CSMD1: variants seen among roughly 807,000 people sequenced by gnomAD.
CSMD1 encodes the protein CUB and sushi domain-containing protein 1.
A neutral mutation model predicts 417.5 loss-of-function variants in CSMD1; 213 were observed. The observed-to-expected ratio is 0.51, with a 90% CI of 0.46 to 0.57. The LOEUF (loss-of-function observed/expected upper bound fraction) is 0.57. CSMD1 is among the 20% of genes least tolerant of loss of function. The pLI, the probability that CSMD1 is intolerant of heterozygous loss-of-function variation, is 0.00. For missense variants in CSMD1, 6,923 were observed against 4,529.7 expected (o/e 1.53, Z -15.17); for synonymous variants, 2,862 against 1,736.8 (o/e 1.65, Z -16.11).
At chr8:3,732,687 G>GA (rs1381128488) in intron 6 of CSMD1, among the ~76,000 whole-genome samples, 1 of 151,654 alleles carries the variant, frequency 6.6e-6, no homozygotes, top group Admixed American at 6.6e-5. Context: ...TTTTAAGACA[G>GA]AAAAAAAGAA....
intron 5 of CSMD1, among the ~76,000 whole-genome samples, chr8:3,808,009 G>A (rs538921590): frequency 1.8e-4 from 28 of 152,210 alleles, no homozygotes; most frequent in African/African-American, 5.5e-4. Flanking sequence ...CTTTAAAGTC[G>A]TCTCATTCTT....
intron 12 of CSMD1, among the ~76,000 whole-genome samples, chr8:3,411,412 C>T (rs527362336): frequency 1.3e-5 from 2 of 151,822 alleles, no homozygotes; most frequent in Admixed American, 6.6e-5. Context: ...GTATATGCTG[C>T]GTTCATTTTG....
rs1351425559 is a variant in CSMD1, at chr8:3,142,694, CT to C, written c.6032-21del. The stretch of plus-strand genomic sequence containing the variant: ...GTGCACCTATGGAAAAACATGCAAA[CT>C]TAATGAAAGTTCATATCAAAATGTA... On this transcript the variant is annotated intron_variant, in intron 40 of 69. Transcript: ENST00000635120. The C allele has an allele frequency of 6.4e-7, 1 of 1,574,206 alleles. No individual in the cohort carries two copies. The highest frequency in any genetic ancestry group is 1.4e-5 in the African/African-American group (1 of 74,002).
chr8:4,392,130 G>A (rs753729476), intron 3 of CSMD1, among the ~76,000 whole-genome samples: 1 of 152,192 alleles, frequency 6.6e-6, no homozygotes. Context: ...GCTGAGTCAA[G>A]TCCAGATTGC....
At chr8:4,378,037 A>G (rs554488675) in intron 3 of CSMD1, among the ~76,000 whole-genome samples, 1 of 152,226 alleles carries the variant, frequency 6.6e-6, no homozygotes, top group Non-Finnish European at 1.5e-5. Context: ...TCTAATATAC[A>G]GGTAAGTGTA....
chr8:4,778,417 G>A (rs949876946), intron 1 of CSMD1, among the ~76,000 whole-genome samples: 12 of 151,986 alleles, frequency 7.9e-5, no homozygotes, highest in African/African-American at 9.7e-5. Flanking sequence ...CTAGAGCTCC[G>A]GTGGTAATTT....
intron 2 of CSMD1, among the ~76,000 whole-genome samples, chr8:4,474,365 A>T (rs952079901): frequency 2.6e-5 from 4 of 152,200 alleles, no homozygotes. Flanking sequence ...GTGTTGTCTA[A>T]CTTGAGCTGA....
chr8:4,265,275 A>G (rs1375546985), intron 3 of CSMD1, among the ~76,000 whole-genome samples: 1 of 152,110 alleles, frequency 6.6e-6, no homozygotes, highest in Non-Finnish European at 1.5e-5. Context: ...GCAAACAAGG[A>G]TAATTACTAA....
chr8:3,917,490 T>G (rs953497982), intron 5 of CSMD1, among the ~76,000 whole-genome samples: 1 of 152,158 alleles, frequency 6.6e-6, no homozygotes, highest in Non-Finnish European at 1.5e-5. Context: ...GAAAGTTTTG[T>G]TAAAAGATAA....
chr8:3,208,220 C>T (rs546815500), intron 30 of CSMD1, among the ~76,000 whole-genome samples: 2 of 152,074 alleles, frequency 1.3e-5, no homozygotes, highest in East Asian at 1.9e-4. Context: ...AAAGTGGAAA[C>T]GTCATCACTG....
chr8:4,347,292 G>C (rs571718715), intron 3 of CSMD1, among the ~76,000 whole-genome samples: 200 of 152,044 alleles, frequency 1.3e-3, no homozygotes, highest in Non-Finnish European at 2.3e-3. Flanking sequence ...TCTCTAAACA[G>C]CAGCAGCAGC....
chr8:3,321,407 C>T (rs1457768243), intron 23 of CSMD1, among the ~76,000 whole-genome samples: 4 of 152,120 alleles, frequency 2.6e-5, no homozygotes, highest in Admixed American at 2.6e-4. Flanking sequence ...GCTGTCCTAC[C>T]CTACCCTGCA....
intron 4 of CSMD1, among the ~76,000 whole-genome samples, chr8:4,030,541 G>A (rs150887021): frequency 0.011 from 1,687 of 152,198 alleles, 30 homozygotes; most frequent in African/African-American, 0.038. Flanking sequence ...CACAGCATGG[G>A]GACCCTTGGC....
intron 4 of CSMD1, among the ~76,000 whole-genome samples, chr8:3,998,518 T>G (rs1288323319): frequency 1.3e-5 from 2 of 152,202 alleles, no homozygotes; most frequent in Non-Finnish European, 2.9e-5. Context: ...GCTTTGAGAA[T>G]ACTGTGCTCT....
chr8:3,522,205 TTTA>T (rs1232353403), intron 10 of CSMD1, among the ~76,000 whole-genome samples: 2 of 152,202 alleles, frequency 1.3e-5, no homozygotes, highest in Admixed American at 6.5e-5. Flanking sequence ...GATTAAATTT[TTTA>T]TTATTTTATC....
chr8:4,316,417 C>T (rs1055483634), intron 3 of CSMD1, among the ~76,000 whole-genome samples: 4 of 152,120 alleles, frequency 2.6e-5, no homozygotes, highest in Non-Finnish European at 4.4e-5. Flanking sequence ...ACAATTTCTT[C>T]ATATATTAGG....
chr8:4,836,051 G>C (rs538341830), intron 1 of CSMD1, among the ~76,000 whole-genome samples: 1 of 152,090 alleles, frequency 6.6e-6, no homozygotes, highest in Non-Finnish European at 1.5e-5. Flanking sequence ...CTTCAAACGA[G>C]TTCACAGTTT....
At chr8:4,850,566 A>G (rs1016160257) in intron 1 of CSMD1, among the ~76,000 whole-genome samples, 2 of 151,806 alleles carry the variant, frequency 1.3e-5, no homozygotes, top group Admixed American at 1.3e-4. Context: ...CTCTCCCAGG[A>G]CTTCAGCGAA....
intron 23 of CSMD1, among the ~76,000 whole-genome samples, chr8:3,341,473 A>C (rs956362532): frequency 6.6e-6 from 1 of 152,198 alleles, no homozygotes; most frequent in Non-Finnish European, 1.5e-5. Context: ...GAACATGGGA[A>C]ACAGTTACTA....
Sources: allele counts gnomAD v4.1 joint callset (sites outside exome capture counted in the v4.1 genomes callset), GRCh38; gene constraint gnomAD v4.1.1; transcripts MANE v1.5; gene names NCBI Gene and HGNC (gene_info 2026-07-23, HGNC 2026-07-21).